Variants in MARCHF1 observed in about 807,000 individuals in gnomAD.
MARCHF1 encodes E3 ubiquitin-protein ligase MARCHF1.
A neutral mutation model predicts 54.2 loss-of-function variants in MARCHF1; 40 were observed. That is an observed-to-expected ratio of 0.74 (90% CI 0.57 to 0.96). The LOEUF is 0.96. Ranked by LOEUF, MARCHF1 falls within the 40% of genes least tolerant of loss-of-function variation. The pLI is 0.00. For synonymous variants in MARCHF1, 236 were observed against 236.3 expected (o/e 1.00, Z 0.01); for missense variants, 586 against 656.5 (o/e 0.89, Z 1.17).
At chr4:163,541,523 T>C (rs1249798317) in intron 9 of MARCHF1, among the ~76,000 whole-genome samples, 1 of 152,174 alleles carries the variant, frequency 6.6e-6, no homozygotes, top group African/African-American at 2.4e-5. Flanking sequence ...ATATATTTGC[T>C]ATTTTTTTTC....
At chr4:163,914,412 A>G (rs567523213) in intron 3 of MARCHF1, among the ~76,000 whole-genome samples, 162 of 152,288 alleles carry the variant, frequency 1.1e-3, no homozygotes, top group Non-Finnish European at 2.0e-3. Flanking sequence ...TCATCTTTAA[A>G]TGTGTAAGAA....
chr4:164,301,176 T>C (rs1228303721), intron 1 of MARCHF1, among the ~76,000 whole-genome samples: 1 of 152,098 alleles, frequency 6.6e-6, no homozygotes, highest in Admixed American at 6.6e-5. Flanking sequence ...ATAGCTACCA[T>C]GACTATGTGA....
Position 163,854,140 on chromosome 4 carries a change from T to C in MARCHF1, c.-9A>G. ...TCACACCAGCCCAGCATTTTCTCCT[T>C]CCTCTTATCCCTTTTCAATTTCTGA... On this transcript the variant is annotated 5_prime_UTR_variant, in exon 4 of 10. Coordinates refer to ENST00000514618, the MANE Select transcript of MARCHF1 (RefSeq NM_001394959.1). 3 of 1,528,526 alleles carry C rather than the reference T, an allele frequency of 2.0e-6. No homozygotes were observed. Among genetic ancestry groups the C allele is most frequent in the Non-Finnish European group, 2.6e-6 (3 of 1,142,988 alleles). The allele number at this position is 1,528,526 out of a possible 1,614,324, so 94.7% of individuals were successfully genotyped here.
chr4:163,871,177 A>C (rs1258908362), intron 3 of MARCHF1, among the ~76,000 whole-genome samples: 2 of 152,202 alleles, frequency 1.3e-5, no homozygotes, highest in African/African-American at 2.4e-5. Flanking sequence ...GAAACCAAGC[A>C]AAGTAGTAAA....
At chr4:164,195,439 T>C (rs1240124966) in intron 1 of MARCHF1, among the ~76,000 whole-genome samples, 11 of 152,188 alleles carry the variant, frequency 7.2e-5, no homozygotes, top group Non-Finnish European at 1.5e-4. Context: ...TAAAATATAA[T>C]CAAACTAAGT....
intron 4 of MARCHF1, among the ~76,000 whole-genome samples, chr4:163,803,613 C>T (rs945434820): frequency 6.6e-6 from 1 of 152,136 alleles, no homozygotes; most frequent in African/African-American, 2.4e-5. Context: ...AAGCATAGTG[C>T]CCACTTGAGA....
At chr4:164,376,971 TACCTAATTTATC>T (rs753158384) in intron 1 of MARCHF1, among the ~76,000 whole-genome samples, 1 of 152,138 alleles carries the variant, frequency 6.6e-6, no homozygotes, top group Non-Finnish European at 1.5e-5. Context: ...TCAATGTCAG[TACCTAATTTATC>T]ACTCTCACCA....
At chr4:164,181,362 T>C (rs1043039208) in intron 1 of MARCHF1, among the ~76,000 whole-genome samples, 6 of 152,164 alleles carry the variant, frequency 3.9e-5, no homozygotes, top group African/African-American at 1.2e-4. Flanking sequence ...CATATATATG[T>C]ATACACACAC....
intron 1 of MARCHF1, chr4:164,190,107 A>G: frequency 6.8e-7 from 1 of 1,460,870 alleles, no homozygotes; most frequent in Non-Finnish European, 9.5e-7. Flanking sequence ...GATTGGAGAT[A>G]AAGAAAAGCT....
intron 4 of MARCHF1, among the ~76,000 whole-genome samples, chr4:163,775,191 G>C (rs1747270771): frequency 6.6e-6 from 1 of 152,128 alleles, no homozygotes; most frequent in South Asian, 2.1e-4. Context: ...TTGCATTGCT[G>C]TTCTCTTCTT....
chr4:163,648,998 A>G, intron 5 of MARCHF1, among the ~76,000 whole-genome samples: 1 of 151,652 alleles, frequency 6.6e-6, no homozygotes, highest in East Asian at 1.9e-4. Flanking sequence ...TTGCTTTTCT[A>G]AAAATAATCA....
At chr4:163,641,639 A>G (rs1451367029) in intron 5 of MARCHF1, among the ~76,000 whole-genome samples, 1 of 152,188 alleles carries the variant, frequency 6.6e-6, no homozygotes, top group Non-Finnish European at 1.5e-5. Flanking sequence ...CTGAAGTCCT[A>G]AGAGGAGTAG....
chr4:163,940,419 A>G (rs975119551), intron 3 of MARCHF1, among the ~76,000 whole-genome samples: 1 of 152,150 alleles, frequency 6.6e-6, no homozygotes, highest in African/African-American at 2.4e-5. Context: ...ATATGCCAAA[A>G]AGAGGCAGAA....
intron 1 of MARCHF1, among the ~76,000 whole-genome samples, chr4:164,187,568 A>G (rs1269616387): frequency 6.6e-6 from 1 of 152,138 alleles, no homozygotes; most frequent in Non-Finnish European, 1.5e-5. Flanking sequence ...AGTAATAAAC[A>G]GCTACATCAT....
At chr4:164,052,076 TA>T (rs1193188505) in intron 2 of MARCHF1, among the ~76,000 whole-genome samples, 7 of 150,482 alleles carry the variant, frequency 4.7e-5, no homozygotes, top group Non-Finnish European at 7.4e-5. Context: ...TTTCTACTAT[TA>T]AAAAAAAGTA....
intron 8 of MARCHF1, among the ~76,000 whole-genome samples, chr4:163,564,952 C>T (rs1464320134): frequency 6.6e-6 from 1 of 151,958 alleles, no homozygotes; most frequent in Non-Finnish European, 1.5e-5. Flanking sequence ...GAAGTGACCC[C>T]ACTTCCATGG....
intron 3 of MARCHF1, among the ~76,000 whole-genome samples, chr4:163,856,122 T>A (rs1483448418): frequency 6.6e-6 from 1 of 152,176 alleles, no homozygotes; most frequent in Non-Finnish European, 1.5e-5. Flanking sequence ...GTGCAAATCA[T>A]CTTTTCGAAC....
chr4:163,903,778 AT>A (rs1720087811), intron 3 of MARCHF1, among the ~76,000 whole-genome samples: 1 of 151,638 alleles, frequency 6.6e-6, no homozygotes, highest in Non-Finnish European at 1.5e-5. Context: ...ACGCCAGCTA[AT>A]TTTTTTGTAT....
chr4:163,740,024 T>C (rs1746150657), intron 4 of MARCHF1, among the ~76,000 whole-genome samples: 1 of 152,186 alleles, frequency 6.6e-6, no homozygotes, highest in Non-Finnish European at 1.5e-5. Context: ...TACTTACCAA[T>C]ATGTAAATTA....
Sources: allele counts gnomAD v4.1 joint callset (sites outside exome capture counted in the v4.1 genomes callset), GRCh38; gene constraint gnomAD v4.1.1; transcripts MANE v1.5; gene names NCBI Gene and HGNC (gene_info 2026-07-23, HGNC 2026-07-21).